Variants in SGCD observed in about 807,000 individuals in gnomAD.
The protein encoded by SGCD is sarcoglycan delta, also known as delta-sarcoglycan.
A neutral mutation model predicts 36.6 loss-of-function variants in SGCD; 18 were observed. The ratio of observed to expected loss-of-function variants is 0.49; its 90% CI spans 0.34 to 0.73. SGCD has a LOEUF of 0.73. SGCD is among the 30% of genes least tolerant of loss of function. The pLI is 0.01. For missense variants in SGCD, 387 were observed against 346.7 expected, an observed-to-expected ratio of 1.12 and a Z score of -0.92; for synonymous variants, 133 against 130.6, an observed-to-expected ratio of 1.02 and a Z score of -0.12.
intron 1 of SGCD, among the ~76,000 whole-genome samples, chr5:156,080,792 A>G (rs1760929675): frequency 6.6e-6 from 1 of 152,366 alleles, no homozygotes; most frequent in African/African-American, 2.4e-5. Flanking sequence ...ATTTATATCA[A>G]TATTTTAGTC....
At chr5:156,456,808 G>A (rs1169597986) in intron 3 of SGCD, among the ~76,000 whole-genome samples, 1 of 152,088 alleles carries the variant, frequency 6.6e-6, no homozygotes, top group Non-Finnish European at 1.5e-5. Flanking sequence ...TTTGTTACAG[G>A]AGCCTTAAGA....
chr5:156,711,041 T>C (rs564356860), intron 7 of SGCD, among the ~76,000 whole-genome samples: 51 of 152,330 alleles, frequency 3.3e-4, no homozygotes, highest in African/African-American at 1.1e-3. Context: ...ACAAAGGGTC[T>C]GTTTGGTCAG....
At chr5:156,528,201 A>C (rs1478063480) in intron 4 of SGCD, among the ~76,000 whole-genome samples, 1 of 152,150 alleles carries the variant, frequency 6.6e-6, no homozygotes, top group Non-Finnish European at 1.5e-5. Context: ...TTGTAACTTT[A>C]AGCAAGTTAC....
At chr5:155,779,763 C>G in the SGCD span, among the ~76,000 whole-genome samples, 1 of 152,134 alleles carries the variant, frequency 6.6e-6, no homozygotes, top group Non-Finnish European at 1.5e-5. Context: ...TTCAAATTGA[C>G]AGTCCCCTCA....
At chr5:155,966,692 A>G (rs1483972867) in intron 1 of SGCD, among the ~76,000 whole-genome samples, 1 of 152,098 alleles carries the variant, frequency 6.6e-6, no homozygotes, top group Non-Finnish European at 1.5e-5. Flanking sequence ...GGAAGTGATA[A>G]TAATGGTCTT....
At chr5:155,978,863 G>A (rs1449663349) in intron 1 of SGCD, among the ~76,000 whole-genome samples, 1 of 152,014 alleles carries the variant, frequency 6.6e-6, no homozygotes, top group East Asian at 1.9e-4. Flanking sequence ...AAATTGTAGA[G>A]CTATTAAGCT....
At chr5:156,084,176 AATTTGGGGAGATTTGACAC>A (rs1761036960) in intron 1 of SGCD, among the ~76,000 whole-genome samples, 1 of 152,202 alleles carries the variant, frequency 6.6e-6, no homozygotes, top group Non-Finnish European at 1.5e-5. Context: ...CTTGTAGTTC[AATTTGGGGAGATTTGACAC>A]ATTTATTATG....
At chr5:156,068,170 G>A (rs1760394142) in intron 1 of SGCD, among the ~76,000 whole-genome samples, 1 of 151,322 alleles carries the variant, frequency 6.6e-6, no homozygotes, top group Non-Finnish European at 1.5e-5. Context: ...TGTGCACAAT[G>A]TGCAGGTTAG....
At chr5:156,617,048 T>A (rs1020603843) in intron 6 of SGCD, among the ~76,000 whole-genome samples, 1 of 152,238 alleles carries the variant, frequency 6.6e-6, no homozygotes, top group Non-Finnish European at 1.5e-5. Context: ...TATCACAACA[T>A]GACATGATGT....
intron 3 of SGCD, among the ~76,000 whole-genome samples, chr5:156,412,270 G>A (rs1290463294): frequency 1.3e-5 from 2 of 152,220 alleles, no homozygotes; most frequent in Non-Finnish European, 2.9e-5. Flanking sequence ...GTTAGCGTGA[G>A]CCTCAGTTGA....
chr5:156,174,898 A>G (rs571126240), intron 3 of SGCD, among the ~76,000 whole-genome samples: 5 of 152,364 alleles, frequency 3.3e-5, no homozygotes, highest in African/African-American at 9.6e-5. Flanking sequence ...TCTTACAGAG[A>G]TGATAAGTTA....
chr5:156,329,873 C>T (rs566635086), intron 2 of SGCD, among the ~76,000 whole-genome samples: 19 of 151,802 alleles, frequency 1.3e-4, no homozygotes, highest in Middle Eastern at 6.8e-3. Flanking sequence ...AAAAATTAGC[C>T]GGACATGGTG....
chr5:155,921,128 G>C (rs1161254473), intron 1 of SGCD, among the ~76,000 whole-genome samples: 2 of 152,138 alleles, frequency 1.3e-5, no homozygotes, highest in Non-Finnish European at 2.9e-5. Context: ...AAGGGAGGTT[G>C]GTCACAAAAG....
intron 6 of SGCD, among the ~76,000 whole-genome samples, chr5:156,622,432 A>G (rs1762284113): frequency 1.3e-5 from 1 of 78,358 alleles, no homozygotes; most frequent in Non-Finnish European, 2.6e-5. Flanking sequence ...GACTCTGTCT[A>G]AAAAATAATA....
At chr5:155,853,718 T>C in the SGCD span, among the ~76,000 whole-genome samples, 11 of 152,332 alleles carry the variant, frequency 7.2e-5, no homozygotes, top group East Asian at 1.9e-3. Flanking sequence ...AAAAAGGCAA[T>C]ATATGTCATT....
At chr5:155,736,027 G>A in the SGCD span, among the ~76,000 whole-genome samples, 1 of 152,200 alleles carries the variant, frequency 6.6e-6, no homozygotes. Flanking sequence ...CAGTCACCTT[G>A]GGATCCTTCT....
chr5:156,400,870 T>A (rs1010084888), intron 3 of SGCD, among the ~76,000 whole-genome samples: 1 of 152,200 alleles, frequency 6.6e-6, no homozygotes, highest in South Asian at 2.1e-4. Context: ...CAAAAGGCAA[T>A]ATATAGAGTT....
At chr5:156,401,016 C>A (rs1392865056) in intron 3 of SGCD, among the ~76,000 whole-genome samples, 1 of 152,194 alleles carries the variant, frequency 6.6e-6, no homozygotes, top group Non-Finnish European at 1.5e-5. Flanking sequence ...TGCTGATTAA[C>A]CTCCTAGACA....
At chr5:156,228,319 T>G (rs1764908357) in intron 3 of SGCD, among the ~76,000 whole-genome samples, 1 of 152,194 alleles carries the variant, frequency 6.6e-6, no homozygotes, top group Non-Finnish European at 1.5e-5. Flanking sequence ...ATTTGGGATC[T>G]CCAGTGTTAG....
Sources: gnomAD v4.1 joint callset for allele counts (sites outside exome capture counted in the v4.1 genomes callset) on GRCh38, gnomAD v4.1.1 for gene constraint, MANE v1.5 for transcripts, NCBI Gene and HGNC (gene_info 2026-07-23, HGNC 2026-07-21) for gene names.